The following MRM2 variants were observed in gnomAD, a reference collection of about 807,000 sequenced individuals.
MRM2 encodes mitochondrial rRNA methyltransferase 2.
A neutral mutation model predicts 10.9 loss-of-function variants in MRM2; 15 were observed. The observed-to-expected ratio is 1.37, with a 90% CI of 0.92 to 2.11. MRM2 has a LOEUF of 2.11. Ranked by LOEUF, MRM2 falls within the 30% of genes most tolerant of loss-of-function variation. The pLI, the probability that MRM2 is intolerant of heterozygous loss-of-function variation, is 0.00. For synonymous variants in MRM2, 139 were observed against 128.7 expected (o/e 1.08, Z -0.54); for missense variants, 328 against 321.3 (o/e 1.02, Z -0.16).
intron 1 of MRM2, among the ~76,000 whole-genome samples, chr7:2,239,991 T>A (rs970084395): frequency 1.4e-4 from 21 of 152,142 alleles, no homozygotes; most frequent in Admixed American, 6.5e-5. Context: ...GACAGGTGGA[T>A]CCCCTGAGGT....
chr7:2,241,405 T>TG (rs1398340250), intron 1 of MRM2: 1 of 152,020 alleles, frequency 6.6e-6, no homozygotes, highest in East Asian at 1.9e-4. Context: ...CTCAGCCTCC[T>TG]GAGTAGCTGG....
intron 1 of MRM2, 106 bp downstream of exon 1, chr7:2,242,056 G>T: frequency 8.0e-7 from 1 of 1,243,806 alleles, no homozygotes; most frequent in Non-Finnish European, 1.1e-6. Context: ...CGGGGACGGT[G>T]CCCAGCGCTC....
Position 2,235,036 on chromosome 7 carries a change from A to G in MRM2, c.*86T>C. 9.6e-7 allele frequency: 1 copy of G among 1,036,844 alleles called. No individual in the cohort carries two copies. The highest frequency in any genetic ancestry group is 1.4e-6 in the Non-Finnish European group (1 of 691,128). The allele number at this position is 1,036,844 out of a possible 1,614,324, so 64.2% of individuals were successfully genotyped here. A position where few individuals can be genotyped will look rare whatever the true frequency, so the allele number is the denominator to read the frequency against. On this transcript the variant is annotated 3_prime_UTR_variant, in exon 3 of 3. Transcript: ENST00000242257. The stretch of plus-strand genomic sequence containing the variant: ...TGCTCCATCTCCAAAATCAGCTCAA[A>G]TCTCCCAGGAACTCTTCAGGAGCTC...
chr7:2,239,730 G>C, intron 1 of MRM2, 23 bp from the exon 2 acceptor site: 2 of 1,603,094 alleles, frequency 1.2e-6, no homozygotes, highest in Non-Finnish European at 8.5e-7. Flanking sequence ...AAGAGGAGCA[G>C]GCAGGTTGGC....
intron 2 of MRM2, among the ~76,000 whole-genome samples, chr7:2,237,346 A>G (rs576735276): frequency 2.3e-4 from 35 of 152,332 alleles, no homozygotes; most frequent in Admixed American, 1.7e-3. Context: ...AATATCCAGT[A>G]TGTTACAACC....
chr7:2,237,700 G>C (rs1439429354), intron 2 of MRM2, among the ~76,000 whole-genome samples: 2 of 152,136 alleles, frequency 1.3e-5, no homozygotes, highest in African/African-American at 4.8e-5. Context: ...CGAGGATGCT[G>C]GGAGGCAGAG....
At chr7:2,236,917 G>T (rs912092514) in intron 2 of MRM2, among the ~76,000 whole-genome samples, 1 of 152,226 alleles carries the variant, frequency 6.6e-6, no homozygotes, top group African/African-American at 2.4e-5. Flanking sequence ...CAGATGCTGA[G>T]ATCAGTTATA....
chr7:2,241,824 C>T (rs995006102), intron 1 of MRM2, among the ~76,000 whole-genome samples: 3 of 152,228 alleles, frequency 2.0e-5, no homozygotes, highest in Non-Finnish European at 4.4e-5. Context: ...CCAGGAAGCG[C>T]GGGCAATGGA....
chr7:2,240,217 G>A (rs966307436), intron 1 of MRM2: 28 of 450,162 alleles, frequency 6.2e-5, no homozygotes, highest in Non-Finnish European at 9.4e-5. Context: ...GCGAGACTCT[G>A]TCTCAAACAA....
Position 2,242,155 on chromosome 7 carries a change from A to T in MRM2, c.8+7T>A. 2 of 1,584,246 alleles carry T rather than the reference A, an allele frequency of 1.3e-6. No individual in the cohort carries two copies. Among genetic ancestry groups the T allele is most frequent in the Non-Finnish European group, 1.7e-6 (2 of 1,169,438 alleles). ...GTCTGCACGCGCAGCAGCAGCGCCC[A>T]GCTCACCCCGCCATTGGTGTTCCCC... On this transcript the variant is annotated splice_region_variant and intron_variant, in intron 1 of 2. Coordinates refer to ENST00000242257, the MANE Select transcript of MRM2 (RefSeq NM_013393.3).
chr7:2,238,984 TATATATATATA>T (rs1794468419), intron 2 of MRM2: 1 of 13,584 alleles, frequency 7.4e-5, no homozygotes, highest in Non-Finnish European at 1.0e-4. Flanking sequence ...TAATTATATA[TATATATATATA>T]TATATATATA....
At chr7:2,235,991 A>G (rs1794413089) in intron 2 of MRM2, among the ~76,000 whole-genome samples, 1 of 152,240 alleles carries the variant, frequency 6.6e-6, no homozygotes, top group South Asian at 2.1e-4. Flanking sequence ...GCACTTTGGG[A>G]GGCTGACACG....
Position 2,239,709 on chromosome 7 carries a change from T to G in MRM2, c.9-2A>C, listed in dbSNP as rs1248565413. 3 of 1,609,258 alleles carry G rather than the reference T, an allele frequency of 1.9e-6. No homozygotes were observed. The highest frequency in any genetic ancestry group is 2.6e-6 in the Non-Finnish European group (3 of 1,176,278). ...GAAACACACACCAGCTTCAAGTACC[T>G]GGTGGGAGAGAAGAGGAGCAGGCAG... On this transcript the variant is annotated splice_acceptor_variant, in intron 1 of 2. Coordinates refer to ENST00000242257, the MANE Select transcript of MRM2 (RefSeq NM_013393.3). LOFTEE classifies it high-confidence loss of function.
At chr7:2,238,599 A>C (rs1794459837) in intron 2 of MRM2, 2 of 152,194 alleles carry the variant, frequency 1.3e-5, no homozygotes, top group Admixed American at 1.3e-4. Context: ...GGCTTATGCG[A>C]CTTGGAAATT....
chr7:2,235,587 G>A lies in MRM2; in HGVS notation c.299-23C>T, dbSNP rs1003003686. 6 of 1,511,942 alleles carry A rather than the reference G, an allele frequency of 4.0e-6. No homozygotes were observed. In the African/African-American group the frequency reaches 5.5e-5, roughly 14 times the overall value. The allele number at this position is 1,511,942 out of a possible 1,614,324, so 93.7% of individuals were successfully genotyped here. A position where few individuals can be genotyped will look rare whatever the true frequency, so the allele number is the denominator to read the frequency against. On this transcript the variant is annotated intron_variant, in intron 2 of 2. Coordinates refer to ENST00000242257, the MANE Select transcript of MRM2 (RefSeq NM_013393.3). ...GATCTATGGAAGAAATGGTGAATGT[G>A]TTATTTATTTACACCCTGAATCTTT... is the stretch of plus-strand genomic sequence containing the variant.
intron 1 of MRM2, chr7:2,240,238 C>T: frequency 2.2e-6 from 1 of 454,800 alleles, no homozygotes; most frequent in Non-Finnish European, 4.4e-6. Context: ...TAACTAAATA[C>T]ATCAATTAAT....
rs1794406746 is a variant in MRM2, at chr7:2,235,557, G to C, written c.306C>G (p.Ser102Arg). The change falls in exon 3 of 3, where the codon AGC (serine) becomes AGG (arginine). Residue 102 changes from serine (S) to arginine (R), a missense_variant. Transcript: ENST00000242257. ...CCCCAAGCACGAAGCCAACAGGAGA[G>C]CTGGGATCTATGGAAGAAATGGTGA... ...QKVNAAGTDPSSPVGFVLGVD... is the reference protein window; with the variant it reads ...QKVNAAGTDPRSPVGFVLGVD... The C allele has an allele frequency of 6.2e-7, 1 of 1,602,780 alleles. No homozygotes were observed.
In MRM2 at chr7:2,234,956, C is replaced by G; in HGVS notation, c.*166G>C. ...GCCCCTGAACTTAGTTTTGTCATCTCTTTTTGGTTAAAAAGAGAGAGAGAG... is the reference window on the plus strand; with the variant it reads ...GCCCCTGAACTTAGTTTTGTCATCTGTTTTTGGTTAAAAAGAGAGAGAGAG... On this transcript the variant is annotated 3_prime_UTR_variant, in exon 3 of 3. Coordinates refer to ENST00000242257, the MANE Select transcript of MRM2 (RefSeq NM_013393.3). The G allele has an allele frequency of 3.3e-6, 2 of 610,340 alleles. No homozygotes were observed. Among genetic ancestry groups the G allele is most frequent in the Non-Finnish European group, 5.8e-6 (2 of 347,180 alleles). 37.8% of individuals were successfully genotyped at this position (610,340 alleles called of 1,614,324 possible). A position where few individuals can be genotyped will look rare whatever the true frequency, so the allele number is the denominator to read the frequency against.
chr7:2,240,287 T>C, intron 1 of MRM2: 1 of 456,162 alleles, frequency 2.2e-6, no homozygotes, highest in South Asian at 1.6e-5. Flanking sequence ...GGCAAAAATG[T>C]TCATTGGGCT....
Sources: gnomAD v4.1 joint callset for allele counts (sites outside exome capture counted in the v4.1 genomes callset) on GRCh38, gnomAD v4.1.1 for gene constraint, MANE v1.5 for transcripts, NCBI Gene and HGNC (gene_info 2026-07-23, HGNC 2026-07-21) for gene names.